Variants in AASS observed in about 807,000 individuals in gnomAD.
The protein encoded by AASS is alpha-aminoadipic semialdehyde synthase, mitochondrial.
Under a neutral mutation model 105.4 loss-of-function variants are expected in AASS, and 86 were observed. The observed-to-expected ratio is 0.82, with a 90% CI of 0.69 to 0.98. The LOEUF (loss-of-function observed/expected upper bound fraction) is 0.98, where lower values mean the gene tolerates loss of function less well. AASS is among the 50% of genes least tolerant of loss of function. AASS has a pLI of 0.00. For missense variants in AASS, 1,048 were observed against 1,143.2 expected (o/e 0.92, Z 1.20); for synonymous variants, 381 against 394.8 (o/e 0.96, Z 0.41).
rs770695432 is a variant in AASS, at chr7:122,133,549, G to A, written c.178C>T (p.Gln60Ter). The A allele has an allele frequency of 6.2e-7, 1 of 1,614,228 alleles. No individual in the cohort carries two copies. The highest frequency in any genetic ancestry group is 8.5e-7 in the Non-Finnish European group (1 of 1,180,044). ...ITNLGYKVLI[Q>*]PSNRRAIHDK... ...TGAATGGCCCGCCGATTCGAAGGCTGTATCAAGACCTTGTATCCCAGATTG... is the reference window on the plus strand; with the variant it reads ...TGAATGGCCCGCCGATTCGAAGGCTATATCAAGACCTTGTATCCCAGATTG... Residue 60 changes from glutamine (Q) to a stop codon, truncating the protein, a stop_gained, in exon 2 of 24, where the codon CAG (glutamine) becomes TAG (stop). Coordinates refer to ENST00000417368, the MANE Select transcript of AASS (RefSeq NM_005763.4). LOFTEE classifies it high-confidence loss of function.
At chr7:122,129,308 TA>T in intron 3 of AASS, 52 bp downstream of exon 3, 1 of 1,253,814 alleles carries the variant, frequency 8.0e-7, no homozygotes, top group Non-Finnish European at 1.1e-6. Context: ...GGGTTAAAAG[TA>T]AAAAATATTA....
intron 19 of AASS, among the ~76,000 whole-genome samples, chr7:122,084,243 C>T (rs566413304): frequency 4.6e-5 from 7 of 152,106 alleles, no homozygotes; most frequent in South Asian, 2.1e-4. Flanking sequence ...TCCTAGATCT[C>T]GGTAGGACAT....
chr7:122,132,293 G>T (rs1274412835), intron 2 of AASS, among the ~76,000 whole-genome samples: 1 of 152,124 alleles, frequency 6.6e-6, no homozygotes, highest in African/African-American at 2.4e-5. Context: ...AAAAAGTGGA[G>T]GAGTGGAAGA....
chr7:122,136,134 G>T (rs1796130029), intron 1 of AASS, among the ~76,000 whole-genome samples: 1 of 152,156 alleles, frequency 6.6e-6, no homozygotes, highest in African/African-American at 2.4e-5. Context: ...ACAACATATA[G>T]AAAAGCTTGC....
chr7:122,140,586 G>T (rs1408048023), intron 1 of AASS, among the ~76,000 whole-genome samples: 3 of 145,334 alleles, frequency 2.1e-5, no homozygotes, highest in Non-Finnish European at 3.0e-5. Flanking sequence ...ATTCATTTTT[G>T]AAGAAATTAA....
In AASS at chr7:122,098,765, C is replaced by T. The variant is rs751449137; in HGVS notation, c.1508G>A (p.Gly503Asp). The change falls in exon 14 of 24, where the codon GGC becomes GAC. Residue 503 changes from glycine to aspartate, a missense_variant. Transcript: ENST00000417368. ...TTTACCTACTGTTATTTCTATATTG[C>T]CATCTCTTGATAAATATTCTAATAC... ...EPVLEYLSRD[G>D]NIEITVGSDM... is the part of the protein sequence containing the mutation. 1.2e-6 allele frequency: 2 copies of T among 1,606,982 alleles called. No homozygotes were observed. The highest frequency in any genetic ancestry group is 1.7e-5 in the Admixed American group (1 of 59,334).
At chr7:122,081,632 T>C (rs764949013) in intron 19 of AASS, 37 bp from the exon 20 acceptor site, 2 of 1,465,858 alleles carry the variant, frequency 1.4e-6, no homozygotes, top group Non-Finnish European at 1.9e-6. Flanking sequence ...ATAAAATTTT[T>C]CTCTTCCAAT....
intron 3 of AASS, among the ~76,000 whole-genome samples, chr7:122,127,515 A>C (rs1334016237): frequency 4.6e-5 from 7 of 152,110 alleles, no homozygotes; most frequent in Non-Finnish European, 1.0e-4. Flanking sequence ...AAAGTTCCTA[A>C]AGTAATTTAT....
chr7:122,115,338 A>C, intron 8 of AASS, 116 bp from the exon 9 acceptor site: 1 of 1,336,314 alleles, frequency 7.5e-7, no homozygotes, highest in Middle Eastern at 2.2e-4. Flanking sequence ...CTTCTAATTG[A>C]TTTTCTTATT....
At chr7:122,082,556 T>C (rs1793398461) in intron 19 of AASS, among the ~76,000 whole-genome samples, 2 of 152,222 alleles carry the variant, frequency 1.3e-5, no homozygotes, top group Non-Finnish European at 1.5e-5. Flanking sequence ...ACTGAAGGTA[T>C]TGAAAGCAGG....
chr7:122,124,534 C>T (rs1325064621), intron 4 of AASS, among the ~76,000 whole-genome samples: 4 of 152,212 alleles, frequency 2.6e-5, no homozygotes, highest in South Asian at 4.1e-4. Flanking sequence ...CTGCCCTCTT[C>T]GGCCTCCCGA....
intron 4 of AASS, 39 bp downstream of exon 4, chr7:122,126,336 A>C: frequency 1.3e-6 from 2 of 1,573,526 alleles, no homozygotes; most frequent in Non-Finnish European, 1.7e-6. Flanking sequence ...TCCCCAAGCC[A>C]ATTTAGGAAG....
intron 3 of AASS, among the ~76,000 whole-genome samples, chr7:122,127,762 A>T (rs1795722006): frequency 6.6e-6 from 1 of 152,048 alleles, no homozygotes; most frequent in African/African-American, 2.4e-5. Flanking sequence ...CATCTGGAAG[A>T]TGTGGACCTT....
chr7:122,092,783 G>C, intron 17 of AASS, 60 bp downstream of exon 17: 1 of 1,344,866 alleles, frequency 7.4e-7, no homozygotes, highest in Non-Finnish European at 1.1e-6. Flanking sequence ...CTCATACTTT[G>C]ATTCTGTACA....
chr7:122,141,686 C>T (rs1358944451), intron 1 of AASS, among the ~76,000 whole-genome samples: 3 of 111,556 alleles, frequency 2.7e-5, no homozygotes, highest in Admixed American at 1.9e-4. Flanking sequence ...AAAAAAAAAA[C>T]TTGATTCTCT....
At chr7:122,127,096 A>C (rs950342888) in intron 3 of AASS, among the ~76,000 whole-genome samples, 4 of 152,052 alleles carry the variant, frequency 2.6e-5, no homozygotes, top group African/African-American at 9.6e-5. Flanking sequence ...TTCCTTTTAC[A>C]GGTAACCTTC....
intron 11 of AASS, among the ~76,000 whole-genome samples, chr7:122,108,819 CA>C (rs57414254): frequency 1.3e-5 from 2 of 148,192 alleles, no homozygotes; most frequent in Non-Finnish European, 1.5e-5. Flanking sequence ...TGTAACTAGG[CA>C]AAAAAAAAGA....
At chr7:122,125,984 C>A (rs190192288) in intron 4 of AASS, among the ~76,000 whole-genome samples, 6 of 152,276 alleles carry the variant, frequency 3.9e-5, no homozygotes, top group African/African-American at 1.2e-4. Context: ...GTTTCTTAAC[C>A]AAACAAGGTT....
intron 2 of AASS, among the ~76,000 whole-genome samples, chr7:122,132,596 A>G (rs1183152870): frequency 6.6e-6 from 1 of 152,166 alleles, no homozygotes; most frequent in Non-Finnish European, 1.5e-5. Flanking sequence ...ATTGCCAACC[A>G]TGGGACGACC....
Sources: gnomAD v4.1 joint callset for allele counts (sites outside exome capture counted in the v4.1 genomes callset) on GRCh38, gnomAD v4.1.1 for gene constraint, MANE v1.5 for transcripts, NCBI Gene and HGNC (gene_info 2026-07-23, HGNC 2026-07-21) for gene names.